The following CEP128 variants were observed in gnomAD, a reference collection of about 807,000 sequenced individuals.
CEP128 encodes the protein centrosomal protein 128kDa.
Under a neutral mutation model 156.7 loss-of-function variants are expected in CEP128, and 132 were observed. That is an observed-to-expected ratio of 0.84 (90% CI 0.73 to 0.97). The LOEUF is 0.97. Ranked by LOEUF, CEP128 falls within the 50% of genes least tolerant of loss-of-function variation. CEP128 has a pLI of 0.00. For missense variants in CEP128, 1,252 were observed against 1,281.9 expected (o/e 0.98, Z 0.36); for synonymous variants, 469 against 448.9 (o/e 1.04, Z -0.57).
intron 19 of CEP128, among the ~76,000 whole-genome samples, chr14:80,682,110 C>CA (rs1167899051): frequency 6.6e-6 from 1 of 151,266 alleles, no homozygotes; most frequent in African/African-American, 2.4e-5. Flanking sequence ...CCTTTCCCCC[C>CA]ACAAAAAAAT....
chr14:80,612,111 T>C (rs1017845505), intron 19 of CEP128, among the ~76,000 whole-genome samples: 5 of 152,060 alleles, frequency 3.3e-5, no homozygotes, highest in Admixed American at 2.0e-4. Flanking sequence ...TACCCGGTAA[T>C]AGGACAGCAA....
intron 19 of CEP128, among the ~76,000 whole-genome samples, chr14:80,594,077 C>T (rs1272425224): frequency 6.6e-6 from 1 of 152,196 alleles, no homozygotes; most frequent in Admixed American, 6.5e-5. Context: ...AACTATACTA[C>T]AAGGCTACAT....
chr14:80,851,298 A>C (rs548701142), intron 9 of CEP128, among the ~76,000 whole-genome samples: 24 of 152,248 alleles, frequency 1.6e-4, no homozygotes, highest in Admixed American at 1.3e-4. Context: ...AGTTTGTGTT[A>C]AATGCTATTT....
At chr14:80,486,663 C>T (rs144516104), downstream of CEP128, among the ~76,000 whole-genome samples, 4,511 of 152,272 alleles carry the variant, frequency 0.03, 104 homozygotes, top group African/African-American at 0.061. Context: ...AGACTAACAG[C>T]GGATCTCTCA....
chr14:80,666,446 C>T lies in CEP128; in HGVS notation c.2806+76629G>A, dbSNP rs1895616699. Among the ~76,000 whole-genome samples the T allele has an allele frequency of 2.6e-5, 4 of 152,206 alleles. 1 individual carries two copies. The South Asian group carries it at 8.3e-4, about 31-fold the overall frequency. ...GACTTGATTCCCAGGAAATCAACAA[C>T]ACTCACAGGCCTCTGGTCATGGGCC... On this transcript the variant is annotated intron_variant, in intron 19 of 24. Transcript: ENST00000555265.
intron 19 of CEP128, among the ~76,000 whole-genome samples, chr14:80,597,372 A>G (rs556267473): frequency 1.3e-5 from 2 of 152,308 alleles, no homozygotes; most frequent in South Asian, 2.1e-4. Flanking sequence ...AACTTACCCA[A>G]TGTAAAATAC....
At chr14:80,853,228 T>C (rs1370494237) in intron 9 of CEP128, among the ~76,000 whole-genome samples, 3 of 151,678 alleles carry the variant, frequency 2.0e-5, no homozygotes, top group South Asian at 4.1e-4. Flanking sequence ...ATCATACAAA[T>C]ATAGAAGTAA....
chr14:80,538,976 A>AT, intron 21 of CEP128, among the ~76,000 whole-genome samples: 1 of 152,348 alleles, frequency 6.6e-6, no homozygotes, highest in African/African-American at 2.4e-5. Context: ...AGTAGGGAAT[A>AT]TATGTCCCCA....
At chr14:80,823,454 T>G (rs113107586) in intron 13 of CEP128, among the ~76,000 whole-genome samples, 2,221 of 152,312 alleles carry the variant, frequency 0.015, 58 homozygotes, top group African/African-American at 0.05. Flanking sequence ...TCATTGGGTT[T>G]TACAGTGGCT....
Position 80,534,803 on chromosome 14 carries a change from C to T in CEP128, c.2881-3917G>A, listed in dbSNP as rs573385659. On this transcript the variant is annotated intron_variant, in intron 21 of 24. Coordinates refer to ENST00000555265, the MANE Select transcript of CEP128 (RefSeq NM_152446.5). ...TCACACCACTGCACTCCAGCCTGGG[C>T]GACAGAGCAAGATTCCGTCTCAAAA... 4.4e-3 allele frequency among the ~76,000 whole-genome samples: 525 copies of T among 118,398 alleles called. 2 individuals carry two copies. Among genetic ancestry groups the T allele is most frequent in the Middle Eastern group, 8.2e-3 (1 of 122 alleles). The allele number at this position is 118,398 out of a possible 152,430, so 77.7% of individuals were successfully genotyped here.
At chr14:80,527,508 C>G (rs978613260) in intron 22 of CEP128, among the ~76,000 whole-genome samples, 2 of 151,666 alleles carry the variant, frequency 1.3e-5, no homozygotes, top group African/African-American at 4.8e-5. Flanking sequence ...ATGCATCCTA[C>G]AGTGGTTACC....
intron 21 of CEP128, among the ~76,000 whole-genome samples, chr14:80,551,759 T>C (rs981847506): frequency 3.3e-4 from 51 of 152,342 alleles, no homozygotes; most frequent in African/African-American, 1.1e-3. Context: ...AATAAAAATG[T>C]CTTCACCTCC....
chr14:80,794,312 A>T lies in CEP128; in HGVS notation c.1210-1202T>A, dbSNP rs139186259. 9.1e-4 allele frequency among the ~76,000 whole-genome samples: 139 copies of T among 152,338 alleles called. 1 individual carries two copies. The highest frequency in any genetic ancestry group is 3.2e-3 in the African/African-American group (135 of 41,574). ...CCCTCATGATTAAAATCATGGTTTG[A>T]CATTATGGCAAACATTTTTTTAAAT... On this transcript the variant is annotated intron_variant, in intron 13 of 24. Transcript: ENST00000555265.
chr14:80,770,703 T>C (rs932310688), intron 16 of CEP128, among the ~76,000 whole-genome samples: 2 of 152,186 alleles, frequency 1.3e-5, no homozygotes, highest in African/African-American at 4.8e-5. Context: ...ACTTAGAGTA[T>C]CTGGTTTAAA....
chr14:80,800,695 G>A (rs1008076659), intron 13 of CEP128, among the ~76,000 whole-genome samples: 1 of 152,088 alleles, frequency 6.6e-6, no homozygotes, highest in African/African-American at 2.4e-5. Flanking sequence ...AAAATCACAG[G>A]ATAAGGTTGA....
chr14:80,712,575 G>A (rs1157677983), intron 19 of CEP128, among the ~76,000 whole-genome samples: 1 of 152,082 alleles, frequency 6.6e-6, no homozygotes, highest in Non-Finnish European at 1.5e-5. Flanking sequence ...GGGGTCCTGA[G>A]TACCCAGAGC....
chr14:80,914,442 C>G (rs984002918), intron 3 of CEP128, 34 bp from the exon 4 acceptor site: 1 of 1,513,654 alleles, frequency 6.6e-7, no homozygotes, highest in African/African-American at 1.4e-5. Context: ...TTAATTATTC[C>G]AAATACTTTT....
intron 19 of CEP128, among the ~76,000 whole-genome samples, chr14:80,615,212 T>C (rs967027555): frequency 2.6e-5 from 4 of 152,146 alleles, no homozygotes; most frequent in African/African-American, 9.7e-5. Flanking sequence ...AGTAACAGTA[T>C]AGAAATGAAA....
At chr14:80,632,726 C>T (rs1894013064) in intron 19 of CEP128, among the ~76,000 whole-genome samples, 3 of 151,984 alleles carry the variant, frequency 2.0e-5, no homozygotes, top group Admixed American at 1.3e-4. Context: ...ATGGTGACTA[C>T]TTATGTGCAT....
Sources: allele counts gnomAD v4.1 joint callset (sites outside exome capture counted in the v4.1 genomes callset), GRCh38; gene constraint gnomAD v4.1.1; transcripts MANE v1.5; gene names NCBI Gene and HGNC (gene_info 2026-07-23, HGNC 2026-07-21).